The following JAKMIP2 variants were observed in gnomAD, a reference collection of about 807,000 sequenced individuals.
JAKMIP2 encodes janus kinase and microtubule-interacting protein 2.
JAKMIP2 carries 25 observed loss-of-function variants against 115.0 expected under a neutral mutation model. The observed-to-expected ratio is 0.22, with a 90% CI of 0.16 to 0.30. The LOEUF (loss-of-function observed/expected upper bound fraction) is 0.30. JAKMIP2 is among the 10% of genes least tolerant of loss of function. The pLI is 1.00. For synonymous variants in JAKMIP2, 334 were observed against 343.6 expected (o/e 0.97, Z 0.31); for missense variants, 642 against 957.6 (o/e 0.67, Z 4.35).
At chr5:147,665,034 G>A (rs17107095) in intron 2 of JAKMIP2, among the ~76,000 whole-genome samples, 6,733 of 152,168 alleles carry the variant, frequency 0.044, 501 homozygotes, top group African/African-American at 0.15. Flanking sequence ...TCTGCTAGGT[G>A]TTTCTCTTGG....
intron 1 of JAKMIP2, among the ~76,000 whole-genome samples, chr5:147,690,565 AT>A (rs1751791934): frequency 2.8e-5 from 4 of 141,278 alleles, no homozygotes; most frequent in Non-Finnish European, 6.1e-5. Context: ...ATATATATAT[AT>A]ATATATATAT....
intron 3 of JAKMIP2, among the ~76,000 whole-genome samples, chr5:147,650,991 C>A (rs1161999696): frequency 6.6e-6 from 1 of 152,112 alleles, no homozygotes; most frequent in Non-Finnish European, 1.5e-5. Flanking sequence ...CTGTTAGTAG[C>A]TGGTCATTTG....
chr5:147,715,345 T>A (rs958149284), intron 1 of JAKMIP2, among the ~76,000 whole-genome samples: 1 of 151,832 alleles, frequency 6.6e-6, no homozygotes, highest in South Asian at 2.1e-4. Context: ...AATATACCAA[T>A]TAAAAGATAG....
rs1302011204 is a variant in JAKMIP2 at position 147,736,975 on chromosome 5, T to C, written c.-149+45481A>G. 2.0e-5 allele frequency among the ~76,000 whole-genome samples: 3 copies of C among 152,280 alleles called. No individual in the cohort carries two copies. The East Asian group carries it at 5.8e-4, about 29-fold the overall frequency. ...ATCACAAGTGTTCACATATGCTTCT[T>C]ACTGTAGGGCTGACTATCTGATGTC... On this transcript the variant is annotated intron_variant, in intron 1 of 21. Transcript: ENST00000616793.
chr5:147,630,245 T>A (rs1241182468), intron 14 of JAKMIP2, among the ~76,000 whole-genome samples: 2 of 152,206 alleles, frequency 1.3e-5, no homozygotes, highest in Admixed American at 1.3e-4. Context: ...CAGTACCATT[T>A]TTTTAAAGGT....
intron 1 of JAKMIP2, among the ~76,000 whole-genome samples, chr5:147,714,879 G>A (rs13360157): frequency 0.024 from 3,677 of 151,958 alleles, 161 homozygotes; most frequent in African/African-American, 0.084. Flanking sequence ...GCACACTGAA[G>A]AAAAATCTAA....
intron 1 of JAKMIP2, among the ~76,000 whole-genome samples, chr5:147,781,783 G>C (rs1016795544): frequency 1.3e-5 from 2 of 152,132 alleles, no homozygotes; most frequent in African/African-American, 4.8e-5. Flanking sequence ...CCATAAAAAT[G>C]GTTGCAAAGC....
intron 1 of JAKMIP2, among the ~76,000 whole-genome samples, chr5:147,748,900 CCT>C (rs1754451944): frequency 6.6e-6 from 1 of 152,206 alleles, no homozygotes; most frequent in South Asian, 2.1e-4. Context: ...GCTTGGGACT[CCT>C]CTCTCTGGAA....
chr5:147,627,704 A>AC (rs1426548466), intron 16 of JAKMIP2, among the ~76,000 whole-genome samples: 5 of 146,966 alleles, frequency 3.4e-5, no homozygotes, highest in South Asian at 2.2e-4. Context: ...AAAAAAAAAA[A>AC]CCCACAAGGT....
At position 147,748,323 on chromosome 5, in the gene JAKMIP2, T is replaced by C. The variant is rs150723926; in HGVS notation, c.-149+34133A>G. Among the ~76,000 whole-genome samples the C allele has an allele frequency of 8.3e-3, 1,261 of 152,288 alleles. 7 individuals are homozygous for C. The highest frequency in any genetic ancestry group is 0.013 in the Non-Finnish European group (859 of 68,020). On this transcript the variant is annotated intron_variant, in intron 1 of 21. Coordinates refer to ENST00000616793, the MANE Select transcript of JAKMIP2 (RefSeq NM_001270941.2). Reference sequence around the variant, plus strand: ...AACAGTTTCTGGCCAATTCTAATTATAAATACCTGATGCTGTTATTATAGT... The same window carrying C: ...AACAGTTTCTGGCCAATTCTAATTACAAATACCTGATGCTGTTATTATAGT...
chr5:147,603,368 G>C (rs1028700395), intron 20 of JAKMIP2, among the ~76,000 whole-genome samples: 1 of 152,196 alleles, frequency 6.6e-6, no homozygotes, highest in African/African-American at 2.4e-5. Context: ...GGTGCATACA[G>C]ATATTATGCT....
chr5:147,699,661 C>T (rs1303824928), intron 1 of JAKMIP2, among the ~76,000 whole-genome samples: 1 of 152,092 alleles, frequency 6.6e-6, no homozygotes, highest in African/African-American at 2.4e-5. Flanking sequence ...TAGCAAAAGC[C>T]AATCGCAGAA....
intron 1 of JAKMIP2, among the ~76,000 whole-genome samples, chr5:147,691,832 G>A (rs373958770): frequency 1.3e-5 from 2 of 151,970 alleles, no homozygotes; most frequent in African/African-American, 2.4e-5. Flanking sequence ...AAGCAGCGCC[G>A]TGGGTGACTC....
chr5:147,604,667 G>T (rs1364612208), intron 20 of JAKMIP2, among the ~76,000 whole-genome samples: 1 of 152,092 alleles, frequency 6.6e-6, no homozygotes, highest in Non-Finnish European at 1.5e-5. Flanking sequence ...TTATAAAACA[G>T]CCATAACATT....
chr5:147,645,911 T>C (rs974403333), intron 5 of JAKMIP2, among the ~76,000 whole-genome samples: 7 of 152,214 alleles, frequency 4.6e-5, no homozygotes, highest in African/African-American at 7.2e-5. Flanking sequence ...AGTCCTCCCC[T>C]TTACTTTTAA....
At chr5:147,680,582 T>C (rs1168095824) in intron 1 of JAKMIP2, among the ~76,000 whole-genome samples, 3 of 152,226 alleles carry the variant, frequency 2.0e-5, no homozygotes, top group African/African-American at 7.2e-5. Context: ...CCTTCTTAGT[T>C]CTTCTAAGCC....
intron 12 of JAKMIP2, among the ~76,000 whole-genome samples, chr5:147,635,263 T>C (rs911602193): frequency 1.3e-5 from 2 of 152,212 alleles, no homozygotes; most frequent in African/African-American, 4.8e-5. Context: ...TGAAAATGTG[T>C]TATGTTTAAT....
chr5:147,610,477 C>T (rs907918527), intron 20 of JAKMIP2, among the ~76,000 whole-genome samples: 4 of 152,056 alleles, frequency 2.6e-5, no homozygotes, highest in Admixed American at 2.0e-4. Flanking sequence ...TGGGGGTCCA[C>T]TCCAGACTCT....
At chr5:147,767,948 G>A (rs1347976653) in intron 1 of JAKMIP2, among the ~76,000 whole-genome samples, 4 of 152,046 alleles carry the variant, frequency 2.6e-5, no homozygotes, top group Non-Finnish European at 5.9e-5. Flanking sequence ...TGTTTTGTTT[G>A]CTTTATTTTA....
Sources: allele counts gnomAD v4.1 joint callset (sites outside exome capture counted in the v4.1 genomes callset), GRCh38; gene constraint gnomAD v4.1.1; transcripts MANE v1.5; gene names NCBI Gene and HGNC (gene_info 2026-07-23, HGNC 2026-07-21).